The following PLCL1 variants were observed in gnomAD, a reference collection of about 807,000 sequenced individuals.
PLCL1 encodes phospholipase C like 1 (inactive).
PLCL1 carries 41 observed loss-of-function variants against 84.4 expected under a neutral mutation model. The observed-to-expected ratio is 0.49, with a 90% CI of 0.38 to 0.63. PLCL1 has a LOEUF of 0.63. Ranked by LOEUF, PLCL1 falls within the 30% of genes least tolerant of loss-of-function variation. The probability of loss-of-function intolerance (pLI) is 0.00; values close to 1 mark genes in which losing one functional copy is unlikely to be tolerated. For synonymous variants in PLCL1, 490 were observed against 488.3 expected (o/e 1.00, Z -0.05); for missense variants, 1,206 against 1,367.8 (o/e 0.88, Z 1.87).
intron 1 of PLCL1, among the ~76,000 whole-genome samples, chr2:197,859,795 T>C (rs1472377126): frequency 6.6e-6 from 1 of 152,154 alleles, no homozygotes; most frequent in Non-Finnish European, 1.5e-5. Context: ...TACCACCTAG[T>C]TTTGGATAAA....
intron 1 of PLCL1, among the ~76,000 whole-genome samples, chr2:197,934,618 G>T (rs140209418): frequency 2.8e-4 from 43 of 151,706 alleles, no homozygotes; most frequent in African/African-American, 1.0e-3. Flanking sequence ...TTTTTTCTTC[G>T]TTAGGAAAGA....
intron 5 of PLCL1, among the ~76,000 whole-genome samples, chr2:198,120,740 C>G (rs865870064): frequency 6.6e-6 from 1 of 152,062 alleles, no homozygotes; most frequent in African/African-American, 2.4e-5. Flanking sequence ...TAGGTTGCTT[C>G]CAAATCTTGG....
At chr2:197,924,136 GGGGAGAGGGAGAGGGAGAGGGAGA>G (rs78981355) in intron 1 of PLCL1, among the ~76,000 whole-genome samples, 10 of 90,298 alleles carry the variant, frequency 1.1e-4, no homozygotes, top group East Asian at 8.4e-4. Flanking sequence ...GGGAGACCGT[GGGGAGAGGGAGAGGGAGAGGGAGA>G]GGGAGAGGGA....
intron 1 of PLCL1, among the ~76,000 whole-genome samples, chr2:198,068,902 G>A (rs1692381295): frequency 6.6e-6 from 1 of 151,996 alleles, no homozygotes; most frequent in African/African-American, 2.4e-5. Context: ...AGGCGCAGTG[G>A]CAGGCACCTG....
intron 1 of PLCL1, among the ~76,000 whole-genome samples, chr2:198,005,782 A>G (rs1574240621): frequency 6.6e-6 from 1 of 152,226 alleles, no homozygotes; most frequent in African/African-American, 2.4e-5. Flanking sequence ...AGGGGCAGGG[A>G]GGCCGTGGAC....
At chr2:197,869,087 C>A (rs568294143) in intron 1 of PLCL1, among the ~76,000 whole-genome samples, 57 of 152,208 alleles carry the variant, frequency 3.7e-4, no homozygotes, top group African/African-American at 1.3e-3. Flanking sequence ...CTAGCTCTTA[C>A]ATCTTGTCTG....
Position 197,805,331 on chromosome 2 carries a change from A to G in PLCL1, c.232A>G (p.Ile78Val). ...ACGGGCGACCCCCCGGCGCAGCAGC[A>G]TCATCAAGGTAAGCAAAGCCGCGCC... ...AARATPRRSSIIKDPSNQKCG... is the reference protein window; with the variant it reads ...AARATPRRSSVIKDPSNQKCG... Residue 78 changes from isoleucine to valine, a missense_variant, in exon 1 of 6, where the codon ATC becomes GTC. Physicochemically the swap from Ile to Val is conservative, Grantham distance 29. Transcript: ENST00000428675. The surrounding 1 kb of genome is among the most constrained non-coding windows in gnomAD (Gnocchi z 4.0). 3.0e-6 allele frequency: 4 copies of G among 1,324,794 alleles called. No homozygotes were observed. The highest frequency in any genetic ancestry group is 3.8e-6 in the Non-Finnish European group (4 of 1,042,916). 82.1% of individuals were successfully genotyped at this position (1,324,794 alleles called of 1,614,324 possible). A position where few individuals can be genotyped will look rare whatever the true frequency, so the allele number is the denominator to read the frequency against.
intron 1 of PLCL1, among the ~76,000 whole-genome samples, chr2:197,940,069 T>A (rs1356072789): frequency 6.6e-6 from 1 of 152,226 alleles, no homozygotes; most frequent in Non-Finnish European, 1.5e-5. Flanking sequence ...TTCTTAACTG[T>A]ATAAATGGAA....
At chr2:198,032,548 A>G (rs1228537660) in intron 1 of PLCL1, among the ~76,000 whole-genome samples, 1 of 152,192 alleles carries the variant, frequency 6.6e-6, no homozygotes, top group Admixed American at 6.5e-5. Flanking sequence ...GAACCAAATT[A>G]TTCATAAATT....
chr2:198,122,681 G>GA (rs1362955160), intron 5 of PLCL1, among the ~76,000 whole-genome samples: 1 of 152,014 alleles, frequency 6.6e-6, no homozygotes, highest in East Asian at 1.9e-4. Flanking sequence ...ACATTTTAGA[G>GA]AAAATCAGAA....
At chr2:198,137,546 C>G (rs1302036948) in intron 5 of PLCL1, among the ~76,000 whole-genome samples, 1 of 152,134 alleles carries the variant, frequency 6.6e-6, no homozygotes, top group East Asian at 1.9e-4. Context: ...CTCTCCCATA[C>G]CATGTATATC....
intron 1 of PLCL1, among the ~76,000 whole-genome samples, chr2:197,908,630 C>T (rs910016670): frequency 1.3e-5 from 2 of 152,164 alleles, no homozygotes; most frequent in African/African-American, 4.8e-5. Context: ...ATCTTCTTAT[C>T]AAGTCAGCTA....
intron 1 of PLCL1, among the ~76,000 whole-genome samples, chr2:197,952,914 A>G (rs1401434993): frequency 6.6e-6 from 1 of 152,058 alleles, no homozygotes; most frequent in Non-Finnish European, 1.5e-5. Flanking sequence ...CTGTGAGTTC[A>G]TTAAACCTAT....
rs1414118601 is a variant in PLCL1, at chr2:198,083,670, A to C, written c.241-88A>C. 22 of 773,192 alleles carry C rather than the reference A, an allele frequency of 2.8e-5. 1 individual carries two copies. In the South Asian group the frequency reaches 4.0e-4, roughly 14 times the overall value. 47.9% of individuals were successfully genotyped at this position (773,192 alleles called of 1,614,324 possible). On this transcript the variant is annotated intron_variant, in intron 1 of 5. Coordinates refer to ENST00000428675, the MANE Select transcript of PLCL1 (RefSeq NM_006226.4). ...TCTGTTCAAATAATCACAATATGTG[A>C]ATTGAAGTTTGAGGAGTTCATAGAG...
intron 1 of PLCL1, among the ~76,000 whole-genome samples, chr2:197,983,012 A>G (rs1349718420): frequency 1.3e-5 from 2 of 152,002 alleles, no homozygotes; most frequent in African/African-American, 4.8e-5. Flanking sequence ...TAAGTGAACA[A>G]TTTTGATAGA....
At chr2:197,977,933 T>C (rs1384215341) in intron 1 of PLCL1, among the ~76,000 whole-genome samples, 4 of 152,202 alleles carry the variant, frequency 2.6e-5, no homozygotes, top group Admixed American at 2.6e-4. Flanking sequence ...ACCCCTCAAC[T>C]CTGCAAGTGA....
chr2:197,808,620 A>G (rs948660816), intron 1 of PLCL1, among the ~76,000 whole-genome samples: 5 of 152,190 alleles, frequency 3.3e-5, no homozygotes, highest in Admixed American at 6.5e-5. Context: ...TTGGCATTGA[A>G]ATGTACACAA....
At chr2:197,920,895 A>G (rs1376233517) in intron 1 of PLCL1, among the ~76,000 whole-genome samples, 1 of 152,246 alleles carries the variant, frequency 6.6e-6, no homozygotes. Flanking sequence ...AAGGCCATGG[A>G]GATGAAATTG....
intron 1 of PLCL1, among the ~76,000 whole-genome samples, chr2:197,984,728 A>G (rs559238521): frequency 3.9e-5 from 6 of 152,320 alleles, no homozygotes; most frequent in Admixed American, 2.6e-4. Context: ...GCCCAGTGAA[A>G]CTGTGAGAAG....
Sources: allele counts gnomAD v4.1 joint callset (sites outside exome capture counted in the v4.1 genomes callset), GRCh38; gene constraint gnomAD v4.1.1; non-coding constraint Gnocchi (gnomAD v3.1); transcripts MANE v1.5; gene names NCBI Gene and HGNC (gene_info 2026-07-23, HGNC 2026-07-21).